Variants in MED8 observed in about 807,000 individuals in gnomAD.
MED8 encodes the protein mediator of RNA polymerase II transcription subunit 8.
Under a neutral mutation model 34.8 loss-of-function variants are expected in MED8, and 22 were observed. That is an observed-to-expected ratio of 0.63 (90% CI 0.45 to 0.90). The LOEUF is 0.90. MED8 is among the 40% of genes least tolerant of loss of function. The pLI is 0.00. For synonymous variants in MED8, 105 were observed against 120.2 expected (o/e 0.87, Z 0.83); for missense variants, 260 against 326.3 (o/e 0.80, Z 1.57).
chr1:43,388,359 G>C lies in MED8; in HGVS notation c.76C>G (p.Leu26Val). ...LSQVADLKNSLGSFICKLENE... is the reference protein window; with the variant it reads ...LSQVADLKNSVGSFICKLENE... ...TCCAACTTGCAAATGAAACTCCCCA[G>C]AGAGTTCTTCAGATCAGCCACTTGA... The change falls in exon 2 of 7, where the codon CTG becomes GTG. Residue 26 changes from leucine (L) to valine (V), a missense_variant. Leu to Val is a conservative substitution (Grantham distance 32). Coordinates refer to ENST00000372457, the MANE Select transcript of MED8 (RefSeq NM_201542.5). 1.2e-6 allele frequency: 2 copies of C among 1,613,642 alleles called. No individual in the cohort carries two copies. The highest frequency in any genetic ancestry group is 2.2e-5 in the East Asian group (1 of 44,892).
intron 1 of MED8, 56 bp from the exon 2 acceptor site, chr1:43,388,484 G>C: frequency 2.5e-6 from 4 of 1,599,134 alleles, no homozygotes; most frequent in Non-Finnish European, 1.7e-6. Flanking sequence ...CACATAGAAA[G>C]GAGGGCTGGA....
chr1:43,384,286 G>T lies in MED8; in HGVS notation c.*756C>A. On this transcript the variant is annotated 3_prime_UTR_variant, in exon 7 of 7. Transcript: ENST00000372457. ...TCCAGGGGAAGGGGCTTTTTCGTGT[G>T]CTAAGGAAAAACCCTTTCCCACATA... is the stretch of plus-strand genomic sequence containing the variant. The T allele has an allele frequency of 1.2e-6, 1 of 827,094 alleles. No homozygotes were observed. Among genetic ancestry groups the T allele is most frequent in the Non-Finnish European group, 1.8e-6 (1 of 560,900 alleles). The allele number at this position is 827,094 out of a possible 1,614,324, so 51.2% of individuals were successfully genotyped here. A position where few individuals can be genotyped will look rare whatever the true frequency, so the allele number is the denominator to read the frequency against.
rs1647747723 is a variant in MED8 at position 43,386,748 on chromosome 1, G to A, written c.412-78C>T. 5.0e-6 allele frequency: 8 copies of A among 1,592,504 alleles called. No individual in the cohort carries two copies. The South Asian group carries it at 9.0e-5, about 18-fold the overall frequency. On this transcript the variant is annotated intron_variant, in intron 4 of 6. Coordinates refer to ENST00000372457, the MANE Select transcript of MED8 (RefSeq NM_201542.5). The surrounding 1 kb of genome is among the most constrained non-coding windows in gnomAD (Gnocchi z 4.9). The stretch of plus-strand genomic sequence containing the variant: ...GAAATTTATTCCTTGGGTTCTGCCA[G>A]AAGCAACTTAGGCGCAACCAACTAT...
intron 1 of MED8, chr1:43,389,231 A>C (rs1647943976): frequency 6.4e-6 from 1 of 156,148 alleles, no homozygotes; most frequent in Admixed American, 6.5e-5. Context: ...GGCTGGGAAG[A>C]GGGATGCAAA....
rs766679855 is a variant in MED8, at chr1:43,386,124, C to T, written c.596G>A (p.Ser199Asn). The T allele has an allele frequency of 6.2e-7, 1 of 1,614,042 alleles. No homozygotes were observed. Among genetic ancestry groups the T allele is most frequent in the South Asian group, 1.1e-5 (1 of 91,084 alleles). ...CTGGCCTGCCTGGCCAGGACCACTG[C>T]TGCCTGAAGGTCTCCAATTAGATAG... The part of the protein sequence containing the change: ...KGLSNWRPSG[S>N]SGPGQAGQPG... Residue 199 changes from serine (S) to asparagine (N), a missense_variant, in exon 6 of 7, where the codon AGC (serine) becomes AAC (asparagine). Ser to Asn is a conservative substitution (Grantham distance 46, BLOSUM62 1). Transcript: ENST00000372457. This position sits in a 1 kb window ranked among gnomAD's most constrained non-coding sequence, Gnocchi z 4.9.
At chr1:43,385,670 C>T (rs763113470) in intron 6 of MED8, 2 of 373,068 alleles carry the variant, frequency 5.4e-6, no homozygotes, top group Non-Finnish European at 9.9e-6. Context: ...CTCTACCTAA[C>T]AAGAGACACT....
intron 6 of MED8, 91 bp from the exon 7 acceptor site, chr1:43,385,197 CCTTT>C (rs1279666250): frequency 2.9e-5 from 43 of 1,485,436 alleles, no homozygotes; most frequent in African/African-American, 2.4e-4. Flanking sequence ...TCTGTCACTT[CCTTT>C]ATCATCTCAG....
intron 1 of MED8, chr1:43,388,678 A>C (rs1647880423): frequency 2.1e-6 from 1 of 476,126 alleles, no homozygotes. Flanking sequence ...TCACCTCCTA[A>C]TCTATGCCTG....
intron 1 of MED8, 126 bp from the exon 2 acceptor site, chr1:43,388,554 T>C: frequency 2.8e-6 from 4 of 1,437,200 alleles, no homozygotes; most frequent in Non-Finnish European, 3.7e-6. Context: ...TGGCATAGGA[T>C]AGCCAGGTTG....
chr1:43,388,558 C>G, intron 1 of MED8, 130 bp from the exon 2 acceptor site: 1 of 1,435,968 alleles, frequency 7.0e-7, no homozygotes. Flanking sequence ...ATAGGATAGC[C>G]AGGTTGTTTT....
Position 43,386,392 on chromosome 1 carries a change from G to T in MED8, c.494-166C>A. ...CCAGAGGACCCCCAAGCCTATCTCAGAATTCTCTCTTCTTACTTTGCCCAT... is the reference window on the plus strand; with the variant it reads ...CCAGAGGACCCCCAAGCCTATCTCATAATTCTCTCTTCTTACTTTGCCCAT... On this transcript the variant is annotated intron_variant, in intron 5 of 6. Coordinates refer to ENST00000372457, the MANE Select transcript of MED8 (RefSeq NM_201542.5). The surrounding 1 kb of genome is among the most constrained non-coding windows in gnomAD (Gnocchi z 4.9). The T allele has an allele frequency of 9.3e-7, 1 of 1,070,188 alleles. No individual in the cohort carries two copies. The highest frequency in any genetic ancestry group is 1.3e-6 in the Non-Finnish European group (1 of 758,954). 66.3% of individuals were successfully genotyped at this position (1,070,188 alleles called of 1,614,324 possible). A position where few individuals can be genotyped will look rare whatever the true frequency, so the allele number is the denominator to read the frequency against.
intron 3 of MED8, among the ~76,000 whole-genome samples, 164 bp from the exon 4 acceptor site, chr1:43,387,162 C>T (rs890870383): frequency 6.6e-6 from 1 of 152,172 alleles, no homozygotes; most frequent in African/African-American, 2.4e-5. Flanking sequence ...CTCCATCCTT[C>T]ATTTTTTGTG....
rs11541153 is a variant in MED8, at chr1:43,386,126, G to A, written c.594C>T (p.Gly198=). ...GKGLSNWRPS[G]SSGPGQAGQP... is the part of the protein sequence containing the mutation. ...GGCCTGCCTGGCCAGGACCACTGCT[G>A]CCTGAAGGTCTCCAATTAGATAGTC... The change falls in exon 6 of 7, where the codon GGC becomes GGT. Residue 198 remains glycine, a synonymous_variant. Transcript: ENST00000372457. This position sits in a 1 kb window ranked among gnomAD's most constrained non-coding sequence, Gnocchi z 4.9. The A allele has an allele frequency of 0.064, 103,988 of 1,613,960 alleles. 3,751 individuals carry two copies. Among genetic ancestry groups the A allele is most frequent in the Non-Finnish European group, 0.073 (86,273 of 1,179,858 alleles).
At position 43,384,761 on chromosome 1, in the gene MED8, C is replaced by T. The variant is rs1647669909; in HGVS notation, c.*281G>A. On this transcript the variant is annotated 3_prime_UTR_variant, in exon 7 of 7. Coordinates refer to ENST00000372457, the MANE Select transcript of MED8 (RefSeq NM_201542.5). ...ATCATTTATTGAATACCCATTATTT[C>T]ATATACTGTACTAAGTGCTTTACAT... is the stretch of plus-strand genomic sequence containing the variant. The T allele has an allele frequency of 7.0e-7, 1 of 1,426,334 alleles. No homozygotes were observed. Among genetic ancestry groups the T allele is most frequent in the African/African-American group, 1.4e-5 (1 of 69,412 alleles). The allele number at this position is 1,426,334 out of a possible 1,614,324, so 88.4% of individuals were successfully genotyped here. A position where few individuals can be genotyped will look rare whatever the true frequency, so the allele number is the denominator to read the frequency against.
At chr1:43,388,555 A>T in intron 1 of MED8, 127 bp from the exon 2 acceptor site, 1 of 1,433,832 alleles carries the variant, frequency 7.0e-7, no homozygotes. Flanking sequence ...GGCATAGGAT[A>T]GCCAGGTTGT....
At chr1:43,385,859 G>C (rs1647708903) in intron 6 of MED8, 119 bp downstream of exon 6, 8 of 1,440,328 alleles carry the variant, frequency 5.6e-6, no homozygotes, top group Middle Eastern at 1.8e-4. Context: ...CTGGGTCACA[G>C]TGAAAAGGAG....
At position 43,388,409 on chromosome 1, in the gene MED8, T is replaced by G; in HGVS notation, c.26A>C (p.Glu9Ala). ...ACTCAGCAGTGCATCTAATGATGCC[T>G]CAAGCTGCTTCTCCTCTCTCTGCAC... Reference protein sequence around the residue: MQREEKQLEASLDALLSQV... With the variant: MQREEKQLAASLDALLSQV... The change falls in exon 2 of 7, where the codon GAG becomes GCG. Residue 9 changes from glutamate (E) to alanine (A), a missense_variant. Glu to Ala is a moderately radical substitution (Grantham distance 107, BLOSUM62 -1). Coordinates refer to ENST00000372457, the MANE Select transcript of MED8 (RefSeq NM_201542.5). 3 of 1,613,552 alleles carry G rather than the reference T, an allele frequency of 1.9e-6. No homozygotes were observed. The highest frequency in any genetic ancestry group is 2.5e-6 in the Non-Finnish European group (3 of 1,179,876).
chr1:43,388,423 C>T lies in MED8; in HGVS notation c.12G>A (p.Glu4=). ...CTAATGATGCCTCAAGCTGCTTCTC[C>T]TCTCTCTGCACCAATAGGAACAGGT... MQR[E]EKQLEASLDA... The change falls in exon 2 of 7, where the codon GAG becomes GAA. Residue 4 remains glutamate (E), a synonymous_variant. Coordinates refer to ENST00000372457, the MANE Select transcript of MED8 (RefSeq NM_201542.5). 3 of 1,613,420 alleles carry T rather than the reference C, an allele frequency of 1.9e-6. No individual in the cohort carries two copies. The highest frequency in any genetic ancestry group is 2.5e-6 in the Non-Finnish European group (3 of 1,179,886).
Position 43,388,413 on chromosome 1 carries a change from G to A in MED8, c.22C>T (p.Leu8Phe), listed in dbSNP as rs200531953. The change falls in exon 2 of 7, where the codon CTT (leucine) becomes TTT (phenylalanine). Residue 8 changes from leucine (L) to phenylalanine (F), a missense_variant. Leu to Phe is a conservative substitution (Grantham distance 22). Transcript: ENST00000372457. ...AGCAGTGCATCTAATGATGCCTCAA[G>A]CTGCTTCTCCTCTCTCTGCACCAAT... is the stretch of plus-strand genomic sequence containing the variant. The part of the protein sequence containing the change: MQREEKQ[L>F]EASLDALLSQ... The A allele has an allele frequency of 2.5e-6, 4 of 1,613,452 alleles. No individual in the cohort carries two copies. In the Admixed American group the frequency reaches 6.7e-5, roughly 27 times the overall value.
Sources: allele counts gnomAD v4.1 joint callset (sites outside exome capture counted in the v4.1 genomes callset), GRCh38; gene constraint gnomAD v4.1.1; non-coding constraint Gnocchi (gnomAD v3.1); transcripts MANE v1.5; gene names NCBI Gene and HGNC (gene_info 2026-07-23, HGNC 2026-07-21).